Variants in RARS2 observed in about 807,000 individuals in gnomAD.
The protein encoded by RARS2 is arginyl-tRNA synthetase 2, mitochondrial, also known as probable arginine--tRNA ligase, mitochondrial.
Under a neutral mutation model 88.5 loss-of-function variants are expected in RARS2, and 67 were observed. The ratio of observed to expected loss-of-function variants is 0.76; its 90% CI spans 0.62 to 0.93. The LOEUF is 0.93. RARS2 is among the 40% of genes least tolerant of loss of function. The pLI is 0.00. For synonymous variants in RARS2, 239 were observed against 230.3 expected (o/e 1.04, Z -0.34); for missense variants, 664 against 684.2 (o/e 0.97, Z 0.33).
chr6:87,586,792 T>C (rs940346010), intron 1 of RARS2, among the ~76,000 whole-genome samples: 1 of 152,200 alleles, frequency 6.6e-6, no homozygotes, highest in Non-Finnish European at 1.5e-5. Flanking sequence ...GGACCACAAG[T>C]GTTTCAACTT....
chr6:87,578,857 A>C (rs918564726), intron 1 of RARS2, among the ~76,000 whole-genome samples: 1 of 146,656 alleles, frequency 6.8e-6, no homozygotes, highest in Non-Finnish European at 1.5e-5. Flanking sequence ...CTACTCAGGA[A>C]GCTGAGGCAG....
rs1256144022 is a variant in RARS2 at position 87,529,581 on chromosome 6, A to C, written c.839T>G (p.Leu280Ter). The C allele has an allele frequency of 3.7e-6, 6 of 1,607,660 alleles. No individual in the cohort carries two copies. In the East Asian group the frequency reaches 8.9e-5, roughly 24 times the overall value. The stretch of plus-strand genomic sequence containing the variant: ...GAGTCCTTTACTCTCCAGCAACTTT[A>C]AGACCTCTTGAGATTTTTCACGATA... ...SFYREKSQEV[L>*]KLLESKGLLL... The change falls in exon 10 of 20, where the codon TTA becomes TGA. Residue 280 changes from leucine to a stop codon, truncating the protein, a stop_gained. Transcript: ENST00000369536. LOFTEE classifies it high-confidence loss of function.
intron 12 of RARS2, among the ~76,000 whole-genome samples, chr6:87,521,081 T>C (rs1473050714): frequency 2.0e-5 from 3 of 152,360 alleles, no homozygotes; most frequent in Middle Eastern, 3.4e-3. Flanking sequence ...GGTTATGTAC[T>C]ATCTTTGGGG....
At chr6:87,578,561 C>A (rs759174382) in intron 1 of RARS2, among the ~76,000 whole-genome samples, 1 of 152,172 alleles carries the variant, frequency 6.6e-6, no homozygotes, top group Non-Finnish European at 1.5e-5. Flanking sequence ...GGCTCAGACA[C>A]GTACTGTTTA....
chr6:87,541,308 C>T (rs1780872218), intron 8 of RARS2, among the ~76,000 whole-genome samples: 1 of 152,100 alleles, frequency 6.6e-6, no homozygotes, highest in African/African-American at 2.4e-5. Context: ...TCCCCAGTAA[C>T]TAGGACTACA....
At chr6:87,575,800 C>G (rs1219427241) in intron 1 of RARS2, among the ~76,000 whole-genome samples, 2 of 151,910 alleles carry the variant, frequency 1.3e-5, no homozygotes, top group Non-Finnish European at 2.9e-5. Flanking sequence ...ACTAGACCTC[C>G]ATGCATCATT....
chr6:87,560,617 G>A (rs896676606), intron 4 of RARS2, among the ~76,000 whole-genome samples: 26 of 152,158 alleles, frequency 1.7e-4, no homozygotes, highest in African/African-American at 6.3e-4. Context: ...TGCAAATGAT[G>A]GCAGGGCACG....
intron 8 of RARS2, among the ~76,000 whole-genome samples, chr6:87,537,785 TA>T (rs1185046971): frequency 2.0e-5 from 3 of 152,190 alleles, no homozygotes; most frequent in Non-Finnish European, 4.4e-5. Flanking sequence ...TTCCTTCGAA[TA>T]AATCAGCCAA....
At chr6:87,548,151 G>A (rs1783177665) in intron 6 of RARS2, among the ~76,000 whole-genome samples, 1 of 152,226 alleles carries the variant, frequency 6.6e-6, no homozygotes, top group East Asian at 1.9e-4. Context: ...GCTGAGGCAG[G>A]AGAATCCTTT....
At chr6:87,566,393 T>C (rs183504977) in intron 2 of RARS2, among the ~76,000 whole-genome samples, 110 of 152,330 alleles carry the variant, frequency 7.2e-4, no homozygotes, top group African/African-American at 2.6e-3. Context: ...AGTAGACTAT[T>C]GGGGGCTTTT....
intron 5 of RARS2, among the ~76,000 whole-genome samples, chr6:87,550,723 A>AAT (rs1562170839): frequency 6.6e-6 from 1 of 150,524 alleles, no homozygotes; most frequent in Non-Finnish European, 1.5e-5. Context: ...AAAAAAAAAA[A>AAT]AGAATAGAAT....
chr6:87,536,304 C>T (rs559003713), intron 8 of RARS2, among the ~76,000 whole-genome samples: 2 of 151,806 alleles, frequency 1.3e-5, no homozygotes, highest in East Asian at 3.9e-4. Flanking sequence ...CCCTCATATC[C>T]ATGATTCAGA....
At chr6:87,558,711 G>C (rs1404743111) in intron 4 of RARS2, among the ~76,000 whole-genome samples, 1 of 152,132 alleles carries the variant, frequency 6.6e-6, no homozygotes, top group African/African-American at 2.4e-5. Context: ...TACTAGGCTA[G>C]GCTGCCAGTC....
At chr6:87,563,082 T>C (rs1319975244) in intron 3 of RARS2, among the ~76,000 whole-genome samples, 3 of 152,202 alleles carry the variant, frequency 2.0e-5, no homozygotes, top group African/African-American at 7.2e-5. Context: ...ACCCATATTC[T>C]ACCTACTCTG....
At chr6:87,589,613 G>A (rs1776364284) in intron 1 of RARS2, 3 of 929,822 alleles carry the variant, frequency 3.2e-6, no homozygotes, top group Non-Finnish European at 3.8e-6. Context: ...ACTTCTATGG[G>A]GTCTAATCAT....
chr6:87,532,120 G>A (rs1777713767), intron 8 of RARS2, among the ~76,000 whole-genome samples: 1 of 151,988 alleles, frequency 6.6e-6, no homozygotes. Flanking sequence ...CATCTCTCAA[G>A]GTAAAAACGT....
At chr6:87,549,475 C>T (rs1783699724) in intron 5 of RARS2, among the ~76,000 whole-genome samples, 1 of 151,678 alleles carries the variant, frequency 6.6e-6, no homozygotes, top group Non-Finnish European at 1.5e-5. Flanking sequence ...AGCTTGGGCC[C>T]AGGAGCTCAA....
chr6:87,517,517 A>G (rs1772206264), intron 17 of RARS2, among the ~76,000 whole-genome samples: 1 of 152,222 alleles, frequency 6.6e-6, no homozygotes, highest in African/African-American at 2.4e-5. Flanking sequence ...AAGAAAACCC[A>G]GTTGGCTTAT....
chr6:87,567,969 C>T (rs1768434381), intron 2 of RARS2, among the ~76,000 whole-genome samples: 1 of 152,088 alleles, frequency 6.6e-6, no homozygotes, highest in South Asian at 2.1e-4. Context: ...GACGGGGTTT[C>T]ACCATGTTAG....
Sources: gnomAD v4.1 joint callset for allele counts (sites outside exome capture counted in the v4.1 genomes callset) on GRCh38, gnomAD v4.1.1 for gene constraint, MANE v1.5 for transcripts, NCBI Gene and HGNC (gene_info 2026-07-23, HGNC 2026-07-21) for gene names.